Variants in LRBA observed in about 807,000 individuals in gnomAD.
The protein encoded by LRBA is lipopolysaccharide-responsive and beige-like anchor protein.
Under a neutral mutation model 330.0 loss-of-function variants are expected in LRBA, and 176 were observed. That is an observed-to-expected ratio of 0.53 (90% CI 0.47 to 0.60). The LOEUF (loss-of-function observed/expected upper bound fraction) is 0.60. Ranked by LOEUF, LRBA falls within the 20% of genes least tolerant of loss-of-function variation. The pLI is 0.00. For missense variants in LRBA, 3,259 were observed against 3,444.8 expected, an observed-to-expected ratio of 0.95 and a Z score of 1.35; for synonymous variants, 1,230 against 1,193.0, an observed-to-expected ratio of 1.03 and a Z score of -0.64.
chr4:150,889,780 C>G (rs1462941316), intron 17 of LRBA, among the ~76,000 whole-genome samples: 1 of 152,114 alleles, frequency 6.6e-6, no homozygotes, highest in African/African-American at 2.4e-5. Flanking sequence ...ATCTCTGTTA[C>G]AACTCTTTGA....
intron 48 of LRBA, among the ~76,000 whole-genome samples, chr4:150,347,369 G>T (rs914707773): frequency 6.6e-6 from 1 of 152,204 alleles, no homozygotes; most frequent in Admixed American, 6.5e-5. Flanking sequence ...AAAATGGCCA[G>T]GGGCAGTGGC....
At chr4:150,824,204 TG>T (rs1368652502) in intron 30 of LRBA, among the ~76,000 whole-genome samples, 1 of 152,184 alleles carries the variant, frequency 6.6e-6, no homozygotes, top group African/African-American at 2.4e-5. Flanking sequence ...ATTACTTTCT[TG>T]ATCTCTTTTT....
intron 4 of LRBA, among the ~76,000 whole-genome samples, chr4:150,924,881 C>A (rs761684464): frequency 5.3e-5 from 8 of 152,022 alleles, no homozygotes; most frequent in Non-Finnish European, 1.0e-4. Flanking sequence ...GTAGATTATT[C>A]CTTCAAAAAT....
intron 2 of LRBA, among the ~76,000 whole-genome samples, chr4:150,947,274 C>T (rs1157252531): frequency 6.7e-6 from 1 of 148,172 alleles, no homozygotes; most frequent in Non-Finnish European, 1.5e-5. Flanking sequence ...AATATAAACA[C>T]CAAAATTCTT....
intron 2 of LRBA, among the ~76,000 whole-genome samples, chr4:150,989,306 A>G (rs1741809576): frequency 6.6e-6 from 1 of 151,818 alleles, no homozygotes; most frequent in South Asian, 2.1e-4. Flanking sequence ...GCCCCCAAGT[A>G]GGTGTTTTAA....
chr4:150,362,122 CA>C (rs898018407), intron 47 of LRBA, among the ~76,000 whole-genome samples: 1 of 152,036 alleles, frequency 6.6e-6, no homozygotes, highest in Non-Finnish European at 1.5e-5. Context: ...ATTAATATAT[CA>C]AAAACCAAAT....
chr4:150,401,758 A>C (rs1034916543), intron 47 of LRBA, among the ~76,000 whole-genome samples: 5 of 152,150 alleles, frequency 3.3e-5, no homozygotes, highest in African/African-American at 9.7e-5. Flanking sequence ...AAATATCCCT[A>C]TTCTTAGGAG....
At chr4:150,534,471 G>C (rs1455289322) in intron 40 of LRBA, among the ~76,000 whole-genome samples, 1 of 151,502 alleles carries the variant, frequency 6.6e-6, no homozygotes, top group Non-Finnish European at 1.5e-5. Context: ...TTTTGCTTTA[G>C]TGGAAAGTTT....
chr4:150,313,999 G>C (rs1262087741), intron 51 of LRBA, among the ~76,000 whole-genome samples: 1 of 151,834 alleles, frequency 6.6e-6, no homozygotes, highest in Non-Finnish European at 1.5e-5. Context: ...TCTTTAAAAA[G>C]TTTCAGAGTT....
intron 37 of LRBA, among the ~76,000 whole-genome samples, chr4:150,678,233 T>G (rs1443371109): frequency 1.4e-5 from 2 of 147,408 alleles, no homozygotes; most frequent in African/African-American, 5.0e-5. Context: ...AGAGTGAGAC[T>G]CTGTCTCCAA....
intron 44 of LRBA, among the ~76,000 whole-genome samples, chr4:150,458,469 T>G (rs1561206938): frequency 1.3e-5 from 2 of 151,816 alleles, no homozygotes; most frequent in African/African-American, 4.8e-5. Context: ...TTATATAAAT[T>G]AAATAGCTAC....
chr4:150,443,847 T>TAAAAAAAAAAA (rs376721928), intron 44 of LRBA, among the ~76,000 whole-genome samples: 637 of 53,592 alleles, frequency 0.012, 11 homozygotes, highest in African/African-American at 0.025. Context: ...AAAGTATAAT[T>TAAAAAAAAAAA]AAAAAAATAT....
At chr4:150,413,817 G>GA (rs1747350371) in intron 47 of LRBA, among the ~76,000 whole-genome samples, 1 of 152,022 alleles carries the variant, frequency 6.6e-6, no homozygotes, top group South Asian at 2.1e-4. Flanking sequence ...ATCACTGAAA[G>GA]AAAAAAGTTG....
At chr4:150,317,594 T>C (rs1987393) in intron 50 of LRBA, among the ~76,000 whole-genome samples, 147,083 of 152,248 alleles carry the variant, frequency 0.97, 71,164 homozygotes, top group Non-Finnish European at 0.99. Context: ...AAAAATGCAC[T>C]ACAGCCTCTG....
chr4:150,952,629 TTC>T (rs969059974), intron 2 of LRBA, among the ~76,000 whole-genome samples: 1 of 152,040 alleles, frequency 6.6e-6, no homozygotes, highest in African/African-American at 2.4e-5. Flanking sequence ...GGCCGTCTGT[TTC>T]TCTCTCTCTT....
intron 4 of LRBA, among the ~76,000 whole-genome samples, chr4:150,922,876 G>C (rs551100753): frequency 2.0e-5 from 3 of 151,980 alleles, no homozygotes; most frequent in African/African-American, 7.3e-5. Context: ...ATGATTATCC[G>C]CAGTTTACAG....
chr4:150,686,596 T>C (rs1199925722), intron 36 of LRBA, among the ~76,000 whole-genome samples: 2 of 152,096 alleles, frequency 1.3e-5, no homozygotes, highest in African/African-American at 4.8e-5. Flanking sequence ...CTAAAACAAA[T>C]AGTACGAAAT....
At chr4:150,437,151 A>ATGCTTTTTT (rs2151996269) in intron 44 of LRBA, among the ~76,000 whole-genome samples, 1 of 152,264 alleles carries the variant, frequency 6.6e-6, no homozygotes, top group East Asian at 1.9e-4. Flanking sequence ...AGATAAAGAC[A>ATGCTTTTTT]ATTACATGAA....
intron 56 of LRBA, among the ~76,000 whole-genome samples, chr4:150,273,304 G>A (rs561412386): frequency 1.4e-4 from 22 of 152,304 alleles, no homozygotes; most frequent in African/African-American, 5.3e-4. Flanking sequence ...AAGAGCTCCT[G>A]AAGGAAGCAC....
Sources: gnomAD v4.1 joint callset for allele counts (sites outside exome capture counted in the v4.1 genomes callset) on GRCh38, gnomAD v4.1.1 for gene constraint, MANE v1.5 for transcripts, NCBI Gene and HGNC (gene_info 2026-07-23, HGNC 2026-07-21) for gene names.